Variants in GRB10 observed in about 807,000 individuals in gnomAD.
GRB10 encodes the protein growth factor receptor bound protein 10.
GRB10 carries 20 observed loss-of-function variants against 80.9 expected under a neutral mutation model. The ratio of observed to expected loss-of-function variants is 0.25; its 90% confidence interval spans 0.17 to 0.36. The LOEUF (loss-of-function observed/expected upper bound fraction) is 0.36, where lower values mean the gene tolerates loss of function less well. Among genes scored for constraint, GRB10 ranks in the 10% least tolerant of loss-of-function variants. The pLI, the probability that GRB10 is intolerant of heterozygous loss-of-function variation, is 1.00. For synonymous variants in GRB10, 291 were observed against 291.5 expected, an observed-to-expected ratio of 1.00 and a Z score of 0.02; for missense variants, 548 against 747.7, an observed-to-expected ratio of 0.73 and a Z score of 3.12.
At chr7:50,642,439 G>C (rs1483966321) in intron 7 of GRB10, among the ~76,000 whole-genome samples, 1 of 151,862 alleles carries the variant, frequency 6.6e-6, no homozygotes, top group Non-Finnish European at 1.5e-5. Context: ...ATACACACAT[G>C]CACATATACA....
intron 2 of GRB10, among the ~76,000 whole-genome samples, chr7:50,760,012 GC>G (rs2075579980): frequency 6.6e-6 from 1 of 152,192 alleles, no homozygotes; most frequent in South Asian, 2.1e-4. Flanking sequence ...GGACCAACAG[GC>G]CCAATAATCC....
At chr7:50,741,221 T>C (rs2071676665) in intron 3 of GRB10, among the ~76,000 whole-genome samples, 1 of 152,084 alleles carries the variant, frequency 6.6e-6, no homozygotes, top group Non-Finnish European at 1.5e-5. Flanking sequence ...GACAAAGAAA[T>C]AAAATTGGAA....
At chr7:50,667,448 A>G (rs556189489) in intron 7 of GRB10, among the ~76,000 whole-genome samples, 1 of 152,298 alleles carries the variant, frequency 6.6e-6, no homozygotes, top group South Asian at 2.1e-4. Context: ...GAAGAAGAAC[A>G]TCAGATTTCT....
intron 7 of GRB10, among the ~76,000 whole-genome samples, chr7:50,638,802 A>T (rs931731804): frequency 2.7e-4 from 41 of 152,234 alleles, no homozygotes; most frequent in Admixed American, 1.0e-3. Flanking sequence ...TATGTTTATC[A>T]AAGCACTATT....
At chr7:50,613,276 G>A (rs2153577811) in intron 12 of GRB10, among the ~76,000 whole-genome samples, 1 of 152,184 alleles carries the variant, frequency 6.6e-6, no homozygotes, top group African/African-American at 2.4e-5. Flanking sequence ...TGAGAGGAGG[G>A]GCTGCTGCAG....
chr7:50,619,044 T>G, intron 9 of GRB10, 126 bp downstream of exon 9: 1 of 699,668 alleles, frequency 1.4e-6, no homozygotes, highest in East Asian at 2.8e-5. Flanking sequence ...ACTACAACTC[T>G]GATTCTCAAA....
At chr7:50,743,436 A>G (rs1195972168) in intron 3 of GRB10, among the ~76,000 whole-genome samples, 3 of 152,240 alleles carry the variant, frequency 2.0e-5, no homozygotes, top group Non-Finnish European at 4.4e-5. Flanking sequence ...CGTGGGTCAG[A>G]TCACGCAGTG....
chr7:50,700,335 A>C (rs1046673258), intron 5 of GRB10, among the ~76,000 whole-genome samples: 1 of 151,696 alleles, frequency 6.6e-6, no homozygotes, highest in Non-Finnish European at 1.5e-5. Flanking sequence ...CCAGATTTCC[A>C]TTTTTTCGTT....
intron 2 of GRB10, among the ~76,000 whole-genome samples, chr7:50,756,992 A>G (rs977140854): frequency 2.0e-5 from 3 of 152,206 alleles, no homozygotes; most frequent in African/African-American, 7.2e-5. Context: ...AGATCCCTCC[A>G]TGGAAGAGTC....
intron 3 of GRB10, among the ~76,000 whole-genome samples, chr7:50,745,113 T>C (rs773561825): frequency 1.6e-4 from 25 of 152,178 alleles, no homozygotes; most frequent in Non-Finnish European, 2.8e-4. Context: ...TTTCAAACTG[T>C]TGCAAATCTC....
intron 5 of GRB10, among the ~76,000 whole-genome samples, chr7:50,675,157 G>A (rs2060791916): frequency 6.6e-6 from 1 of 152,216 alleles, no homozygotes; most frequent in African/African-American, 2.4e-5. Flanking sequence ...AGGTTAAGTA[G>A]GGGCTGACAC....
chr7:50,629,955 T>C lies in GRB10; in HGVS notation c.505-2977A>G, dbSNP rs140402885. Reference sequence around the variant, plus strand: ...AGCAACTCACAGTTCAGAGCGGAGATTGTTACCACAGGCAGTTAATTTCCA... The same window carrying C: ...AGCAACTCACAGTTCAGAGCGGAGACTGTTACCACAGGCAGTTAATTTCCA... On this transcript the variant is annotated intron_variant, in intron 7 of 18. Coordinates refer to ENST00000401949, the MANE Select transcript of GRB10 (RefSeq NM_001350814.2). 1.7e-3 allele frequency among the ~76,000 whole-genome samples: 254 copies of C among 152,348 alleles called. 1 individual carries two copies. Among genetic ancestry groups the C allele is most frequent in the African/African-American group, 5.8e-3 (240 of 41,568 alleles).
chr7:50,788,650 C>T (rs2078792529), intron 1 of GRB10, among the ~76,000 whole-genome samples: 1 of 152,228 alleles, frequency 6.6e-6, no homozygotes, highest in African/African-American at 2.4e-5. Flanking sequence ...GGCAAGACTG[C>T]CACTGTTCAT....
At chr7:50,649,044 C>T (rs1460228886) in intron 7 of GRB10, among the ~76,000 whole-genome samples, 1 of 151,942 alleles carries the variant, frequency 6.6e-6, no homozygotes, top group Non-Finnish European at 1.5e-5. Flanking sequence ...AAAGCAAGGG[C>T]GACCATCCCC....
At chr7:50,681,274 C>T (rs1311409041) in intron 5 of GRB10, among the ~76,000 whole-genome samples, 5 of 152,180 alleles carry the variant, frequency 3.3e-5, no homozygotes, top group Non-Finnish European at 5.9e-5. Flanking sequence ...AGCCCCTCCA[C>T]GGAGAAGCCT....
At chr7:50,611,665 T>C (rs2529397) in intron 13 of GRB10, among the ~76,000 whole-genome samples, 15,146 of 152,200 alleles carry the variant, frequency 0.1, 1,707 homozygotes, top group African/African-American at 0.28. Context: ...GCCAAGTGGA[T>C]GGGACAACAG....
intron 7 of GRB10, among the ~76,000 whole-genome samples, chr7:50,666,979 G>T (rs1037364755): frequency 1.4e-4 from 21 of 147,420 alleles, no homozygotes; most frequent in African/African-American, 5.3e-4. Flanking sequence ...GGCAGAGCTT[G>T]CAGTGAGCCG....
At chr7:50,656,661 C>G (rs963782652) in intron 7 of GRB10, among the ~76,000 whole-genome samples, 2 of 152,242 alleles carry the variant, frequency 1.3e-5, no homozygotes, top group Admixed American at 1.3e-4. Flanking sequence ...GAGTTCCACC[C>G]CTGCTGGGGA....
At chr7:50,753,193 C>G (rs2074446153) in intron 3 of GRB10, among the ~76,000 whole-genome samples, 1 of 152,236 alleles carries the variant, frequency 6.6e-6, no homozygotes. Context: ...AGACACTCTG[C>G]AAACTGAAGT....
Sources: allele counts gnomAD v4.1 joint callset (sites outside exome capture counted in the v4.1 genomes callset), GRCh38; gene constraint gnomAD v4.1.1; transcripts MANE v1.5; gene names NCBI Gene and HGNC (gene_info 2026-07-23, HGNC 2026-07-21).